CNTNAP2: variants seen among roughly 807,000 people sequenced by gnomAD.
CNTNAP2 encodes the protein contactin-associated protein-like 2.
CNTNAP2 carries 98 observed loss-of-function variants against 155.2 expected under a neutral mutation model. That is an observed-to-expected ratio of 0.63 (90% CI 0.54 to 0.75). The LOEUF (loss-of-function observed/expected upper bound fraction) is 0.75. Ranked by LOEUF, CNTNAP2 falls within the 30% of genes least tolerant of loss-of-function variation. The pLI is 0.00. For synonymous variants in CNTNAP2, 651 were observed against 631.2 expected, an observed-to-expected ratio of 1.03 and a Z score of -0.47; for missense variants, 1,727 against 1,688.1, an observed-to-expected ratio of 1.02 and a Z score of -0.40.
chr7:146,249,452 C>CTTG (rs10634751), intron 1 of CNTNAP2, among the ~76,000 whole-genome samples: 20,364 of 151,938 alleles, frequency 0.13, 3,003 homozygotes, highest in African/African-American at 0.37. Flanking sequence ...GTGACTGTCA[C>CTTG]TTGTGTGTCT....
chr7:147,582,070 T>C (rs1051885643), intron 12 of CNTNAP2, among the ~76,000 whole-genome samples: 6 of 152,132 alleles, frequency 3.9e-5, no homozygotes, highest in African/African-American at 1.4e-4. Flanking sequence ...CATTGTACTT[T>C]TAAAGAATTT....
chr7:148,326,658 A>AGATC (rs1347299770), intron 21 of CNTNAP2, among the ~76,000 whole-genome samples: 1 of 151,994 alleles, frequency 6.6e-6, no homozygotes, highest in African/African-American at 2.4e-5. Context: ...TGAGGTCAGG[A>AGATC]GATCGAGACC....
chr7:147,260,612 C>A (rs1804439824), intron 8 of CNTNAP2, among the ~76,000 whole-genome samples: 1 of 152,066 alleles, frequency 6.6e-6, no homozygotes, highest in African/African-American at 2.4e-5. Context: ...TACCACAGAA[C>A]CTGTATAATT....
chr7:147,168,336 T>C (rs1379873900), intron 8 of CNTNAP2, among the ~76,000 whole-genome samples: 1 of 151,918 alleles, frequency 6.6e-6, no homozygotes, highest in African/African-American at 2.4e-5. Flanking sequence ...TGGGAATTAC[T>C]GATGTTATTT....
chr7:147,973,160 TAAA>T (rs35756000), intron 14 of CNTNAP2, among the ~76,000 whole-genome samples: 14 of 120,834 alleles, frequency 1.2e-4, no homozygotes, highest in South Asian at 2.7e-4. Flanking sequence ...TCTCTAAAAT[TAAA>T]AAAAAAAAAA....
chr7:148,275,036 A>G (rs1365161195), intron 21 of CNTNAP2, among the ~76,000 whole-genome samples: 4 of 152,214 alleles, frequency 2.6e-5, no homozygotes, highest in African/African-American at 9.6e-5. Context: ...ATCATATGTC[A>G]GATGCCAGGC....
chr7:148,124,596 A>G (rs531228336), intron 16 of CNTNAP2, among the ~76,000 whole-genome samples: 1 of 152,228 alleles, frequency 6.6e-6, no homozygotes, highest in Non-Finnish European at 1.5e-5. Flanking sequence ...AAGGAGACAA[A>G]CACATTAGTG....
chr7:147,672,652 A>T (rs1795806341), intron 13 of CNTNAP2: 2 of 152,172 alleles, frequency 1.3e-5, no homozygotes, highest in South Asian at 4.1e-4. Context: ...GGTGTCAAGC[A>T]CGTCCCATTT....
In CNTNAP2 at chr7:146,461,541, AAAAT is replaced by A. The variant is rs373296555; in HGVS notation, c.98-312725_98-312722del. Among the ~76,000 whole-genome samples the A allele has an allele frequency of 2.0e-4, 31 of 152,366 alleles. No homozygotes were observed. In the East Asian group the frequency reaches 4.8e-3, roughly 24 times the overall value. ...GCTTTGCAAAAATCTTTAAATTTTT[AAAAT>A]AAATGTGATTCTCACAGAAAAATTA... On this transcript the variant is annotated intron_variant, in intron 1 of 23. Transcript: ENST00000361727.
At chr7:147,929,869 C>T (rs926997946) in intron 14 of CNTNAP2, among the ~76,000 whole-genome samples, 2 of 152,176 alleles carry the variant, frequency 1.3e-5, no homozygotes, top group Non-Finnish European at 2.9e-5. Flanking sequence ...TGTTCCACCT[C>T]AGATCATCAG....
chr7:148,003,667 T>G (rs17170778), intron 15 of CNTNAP2, among the ~76,000 whole-genome samples: 6,513 of 152,264 alleles, frequency 0.043, 464 homozygotes, highest in African/African-American at 0.15. Flanking sequence ...TGTAGAAACC[T>G]GGTATAAAAG....
chr7:146,338,156 G>A (rs939535641), intron 1 of CNTNAP2, among the ~76,000 whole-genome samples: 15 of 152,072 alleles, frequency 9.9e-5, no homozygotes, highest in African/African-American at 3.4e-4. Context: ...TCTGGGGCAG[G>A]CATAGGTAAC....
chr7:147,016,759 C>G (rs1313405373), intron 3 of CNTNAP2, among the ~76,000 whole-genome samples: 2 of 151,920 alleles, frequency 1.3e-5, no homozygotes, highest in Non-Finnish European at 2.9e-5. Context: ...TCTAGAATTA[C>G]TTAATTGTTT....
intron 3 of CNTNAP2, among the ~76,000 whole-genome samples, chr7:146,904,447 CTT>C (rs1005597753): frequency 1.5e-4 from 23 of 152,190 alleles, no homozygotes; most frequent in Middle Eastern, 3.4e-3. Context: ...GACATTCAAA[CTT>C]TGTTGAATGA....
chr7:147,376,756 T>G, intron 9 of CNTNAP2, among the ~76,000 whole-genome samples: 1 of 152,028 alleles, frequency 6.6e-6, no homozygotes, highest in African/African-American at 2.4e-5. Flanking sequence ...GCACAATAAC[T>G]TAATAACACA....
At chr7:146,197,973 A>T (rs569260203) in intron 1 of CNTNAP2, among the ~76,000 whole-genome samples, 31 of 152,264 alleles carry the variant, frequency 2.0e-4, no homozygotes, top group African/African-American at 7.2e-4. Context: ...CATGTCTTAC[A>T]TGGCAGCAGG....
At chr7:146,454,008 AAGAT>A (rs1388778852) in intron 1 of CNTNAP2, among the ~76,000 whole-genome samples, 11 of 152,166 alleles carry the variant, frequency 7.2e-5, no homozygotes, top group African/African-American at 1.7e-4. Context: ...TATCAATTAA[AAGAT>A]AGAAAATTTT....
At chr7:147,167,114 A>C (rs771837105) in intron 8 of CNTNAP2, among the ~76,000 whole-genome samples, 11 of 152,220 alleles carry the variant, frequency 7.2e-5, no homozygotes, top group Non-Finnish European at 1.5e-4. Flanking sequence ...ATGCTCATCC[A>C]TGCAGCTTTG....
At chr7:146,759,915 A>C (rs1427380502) in intron 1 of CNTNAP2, among the ~76,000 whole-genome samples, 1 of 152,192 alleles carries the variant, frequency 6.6e-6, no homozygotes, top group African/African-American at 2.4e-5. Context: ...AAGGACGTTT[A>C]GTAATTTAAT....
Sources: allele counts gnomAD v4.1 joint callset (sites outside exome capture counted in the v4.1 genomes callset), GRCh38; gene constraint gnomAD v4.1.1; transcripts MANE v1.5; gene names NCBI Gene and HGNC (gene_info 2026-07-23, HGNC 2026-07-21).